The following DNAJC13 variants were observed in gnomAD, a reference collection of about 807,000 sequenced individuals.
DNAJC13 encodes DnaJ heat shock protein family (Hsp40) member C13, also known as dnaJ homolog subfamily C member 13.
Under a neutral mutation model 290.5 loss-of-function variants are expected in DNAJC13, and 75 were observed. The observed-to-expected ratio is 0.26, with a 90% CI of 0.21 to 0.31. The LOEUF is 0.31. Ranked by LOEUF, DNAJC13 falls within the 10% of genes least tolerant of loss-of-function variation. The pLI, the probability that DNAJC13 is intolerant of heterozygous loss-of-function variation, is 1.00. For missense variants in DNAJC13, 2,260 were observed against 2,674.5 expected, an observed-to-expected ratio of 0.85 and a Z score of 3.42; for synonymous variants, 862 against 892.0, an observed-to-expected ratio of 0.97 and a Z score of 0.60.
intron 15 of DNAJC13, 38 bp from the exon 16 acceptor site, chr3:132,462,429 T>C: frequency 6.3e-7 from 1 of 1,582,158 alleles, no homozygotes; most frequent in Non-Finnish European, 8.6e-7. Flanking sequence ...ATAAAATTCT[T>C]TTTTATTTTT....
chr3:132,480,944 G>A (rs952656179), intron 26 of DNAJC13, among the ~76,000 whole-genome samples: 53 of 152,114 alleles, frequency 3.5e-4, no homozygotes, highest in Non-Finnish European at 7.4e-5. Flanking sequence ...GTTAGATTTC[G>A]TGTGAATTGT....
At chr3:132,505,113 T>C (rs1039648929) in intron 41 of DNAJC13, among the ~76,000 whole-genome samples, 189 bp from the exon 42 acceptor site, 2 of 152,204 alleles carry the variant, frequency 1.3e-5, no homozygotes, top group Non-Finnish European at 2.9e-5. Flanking sequence ...TTTGCAGTCT[T>C]AGTTTTTCTC....
intron 5 of DNAJC13, among the ~76,000 whole-genome samples, chr3:132,449,698 G>C (rs1933362131): frequency 6.6e-6 from 1 of 152,092 alleles, no homozygotes; most frequent in Admixed American, 6.6e-5. Context: ...AAACCTAGAA[G>C]ATAATTTCTT....
intron 38 of DNAJC13, 92 bp downstream of exon 38, chr3:132,499,900 A>G (rs1397691263): frequency 8.3e-7 from 1 of 1,209,430 alleles, no homozygotes; most frequent in Non-Finnish European, 1.2e-6. Context: ...GGCTCATTAA[A>G]CTGTAGGTTG....
intron 36 of DNAJC13, 34 bp downstream of exon 36, chr3:132,496,697 T>G (rs369148397): frequency 6.4e-7 from 1 of 1,574,236 alleles, no homozygotes; most frequent in African/African-American, 1.4e-5. Flanking sequence ...TAATTTATCC[T>G]CCAGCTAACC....
At chr3:132,507,390 G>T in intron 43 of DNAJC13, 37 bp downstream of exon 43, 2 of 1,184,804 alleles carry the variant, frequency 1.7e-6, no homozygotes, top group South Asian at 2.5e-5. Flanking sequence ...TGATACCTTT[G>T]ATCATTTGTT....
In DNAJC13 at chr3:132,511,171, G is replaced by C. The variant is rs112868112; in HGVS notation, c.5220G>C (p.Glu1740Asp). 6.8e-6 allele frequency: 11 copies of C among 1,613,916 alleles called. No individual in the cohort carries two copies. Among genetic ancestry groups the C allele is most frequent in the African/African-American group, 4.0e-5 (3 of 74,984 alleles). The change falls in exon 44 of 56, where the codon GAG (glutamate) becomes GAC (aspartate). Residue 1740 changes from glutamate (E) to aspartate (D), a missense_variant. This residue lies in a region of DNAJC13 where 1,494 missense variants were observed against 1,693.7 expected (regional missense o/e 0.88). Coordinates refer to ENST00000260818, the MANE Select transcript of DNAJC13 (RefSeq NM_015268.4). ...CACACGCGGCAAAAGTGGAGTCAGA[G>C]CAACATGGAGATCGCTTACCGAGAG... is the stretch of plus-strand genomic sequence containing the variant. ...AITHAAKVESEQHGDRLPRVE... is the reference protein window; with the variant it reads ...AITHAAKVESDQHGDRLPRVE...
In DNAJC13 at chr3:132,494,132, T is replaced by A. The variant is rs1403349510; in HGVS notation, c.3826-12T>A. The stretch of plus-strand genomic sequence containing the variant: ...TTTACTTTGATATAAATTTTAATCT[T>A]TTGTCTTTAAGGTTAAGCTTCTAAA... On this transcript the variant is annotated splice_polypyrimidine_tract_variant and intron_variant, in intron 33 of 55. Coordinates refer to ENST00000260818, the MANE Select transcript of DNAJC13 (RefSeq NM_015268.4). 6.5e-7 allele frequency: 1 copy of A among 1,543,646 alleles called. No homozygotes were observed. The highest frequency in any genetic ancestry group is 1.2e-5 in the South Asian group (1 of 83,792).
chr3:132,457,668 C>G (rs1478284439), intron 13 of DNAJC13: 1 of 203,572 alleles, frequency 4.9e-6, no homozygotes, highest in Non-Finnish European at 9.8e-6. Flanking sequence ...AAAAGCAGCA[C>G]TTTATTTTTG....
intron 1 of DNAJC13, among the ~76,000 whole-genome samples, chr3:132,427,525 T>A (rs1219174830): frequency 4.6e-5 from 7 of 152,190 alleles, no homozygotes; most frequent in Admixed American, 3.9e-4. Context: ...AATGGCATCC[T>A]CATGTACATC....
Position 132,427,073 on chromosome 3 carries a change from ATATGTGTGTGTGTG to A in DNAJC13, c.-13-7463_-13-7450del, listed in dbSNP as rs1383009606. Among the ~76,000 whole-genome samples, 15 of 114,640 alleles carry A rather than the reference ATATGTGTGTGTGTG, an allele frequency of 1.3e-4. No individual in the cohort carries two copies. The East Asian group carries it at 2.2e-3, about 17-fold the overall frequency. The allele number at this position is 114,640 out of a possible 152,430, so 75.2% of individuals were successfully genotyped here. A position where few individuals can be genotyped will look rare whatever the true frequency, so the allele number is the denominator to read the frequency against. The stretch of plus-strand genomic sequence containing the variant: ...TGATTATCTTGGTGTTTATATATAC[ATATGTGTGTGTGTG>A]TGTGTGTGTGTGTGTGCACGTGTGT... On this transcript the variant is annotated intron_variant, in intron 1 of 55. Transcript: ENST00000260818.
intron 4 of DNAJC13, 38 bp from the exon 5 acceptor site, chr3:132,447,860 T>C: frequency 1.3e-6 from 2 of 1,573,714 alleles, no homozygotes; most frequent in Non-Finnish European, 1.7e-6. Flanking sequence ...TCCTTACCAG[T>C]CTGTTGTCAT....
chr3:132,535,163 G>A (rs1157061516), intron 55 of DNAJC13, among the ~76,000 whole-genome samples: 1 of 152,176 alleles, frequency 6.6e-6, no homozygotes, highest in Non-Finnish European at 1.5e-5. Context: ...AGGACATGGG[G>A]AAAGACAAAG....
Position 132,503,264 on chromosome 3 carries a change from T to C in DNAJC13, c.4767T>C (p.Leu1589=). The change falls in exon 41 of 56, where the codon CTT becomes CTC. Residue 1589 remains leucine (L), a synonymous_variant. Transcript: ENST00000260818. The part of the protein sequence containing the change: ...AKLSVHALSR[L]GGYLAEEQAT... The stretch of plus-strand genomic sequence containing the variant: ...TGAGTGTCCATGCTCTGAGTCGCCT[T>C]GGAGGGTATTTGGCTGAAGAACAAG... The C allele has an allele frequency of 6.2e-7, 1 of 1,614,134 alleles. No homozygotes were observed. The highest frequency in any genetic ancestry group is 8.5e-7 in the Non-Finnish European group (1 of 1,179,992).
chr3:132,488,247 G>T (rs1184136951), intron 29 of DNAJC13, 51 bp from the exon 30 acceptor site: 3 of 1,506,326 alleles, frequency 2.0e-6, no homozygotes, highest in South Asian at 1.3e-5. Flanking sequence ...AACCTAAAGT[G>T]ATGATGCAGG....
intron 48 of DNAJC13, among the ~76,000 whole-genome samples, chr3:132,517,275 T>C (rs1322239967): frequency 6.6e-6 from 1 of 152,238 alleles, no homozygotes; most frequent in African/African-American, 2.4e-5. Flanking sequence ...GGCTTCCAAC[T>C]CTGCAGGGAG....
chr3:132,441,171 C>A (rs531344963), intron 2 of DNAJC13, among the ~76,000 whole-genome samples: 2 of 152,076 alleles, frequency 1.3e-5, no homozygotes, highest in African/African-American at 4.8e-5. Context: ...AAAAAGAATT[C>A]GAATGGAAGG....
At position 132,538,819 on chromosome 3, in the gene DNAJC13, A is replaced by G. The variant is rs1376656218; in HGVS notation, c.*537A>G. 1 of 152,314 alleles carries G rather than the reference A, an allele frequency of 6.6e-6. No individual in the cohort carries two copies. The highest frequency in any genetic ancestry group is 1.9e-4 in the East Asian group (1 of 5,200). 9.4% of individuals were successfully genotyped at this position (152,314 alleles called of 1,614,324 possible). On this transcript the variant is annotated 3_prime_UTR_variant, in exon 56 of 56. Coordinates refer to ENST00000260818, the MANE Select transcript of DNAJC13 (RefSeq NM_015268.4). ...GCTCACAGTACACATTAGTATGTAT[A>G]ACTGGCTTTACCAAATTGAATGAAA...
At chr3:132,482,525 G>T (rs1934713636) in intron 27 of DNAJC13, among the ~76,000 whole-genome samples, 195 bp downstream of exon 27, 1 of 152,100 alleles carries the variant, frequency 6.6e-6, no homozygotes, top group South Asian at 2.1e-4. Context: ...TTCAAACCTT[G>T]TTTAAAAGCT....
Sources: allele counts gnomAD v4.1 joint callset (sites outside exome capture counted in the v4.1 genomes callset), GRCh38; gene constraint gnomAD v4.1.1; regional missense constraint gnomAD v4.1.1; transcripts MANE v1.5; gene names NCBI Gene and HGNC (gene_info 2026-07-23, HGNC 2026-07-21).